Variants in GALNT13 observed in about 807,000 individuals in gnomAD.
GALNT13 encodes the protein UDP-GalNAc:polypeptide N-acetylgalactosaminyltransferase 13.
Under a neutral mutation model 64.2 loss-of-function variants are expected in GALNT13, and 28 were observed. The ratio of observed to expected loss-of-function variants is 0.44; its 90% CI spans 0.32 to 0.60. The LOEUF is 0.60. Among genes scored for constraint, GALNT13 ranks in the 20% least tolerant of loss-of-function variants. GALNT13 has a pLI of 0.05. For synonymous variants in GALNT13, 214 were observed against 224.6 expected (o/e 0.95, Z 0.42); for missense variants, 577 against 669.8 (o/e 0.86, Z 1.53).
intron 4 of GALNT13, among the ~76,000 whole-genome samples, chr2:154,162,391 A>G (rs1684783315): frequency 6.6e-6 from 1 of 152,210 alleles, no homozygotes; most frequent in African/African-American, 2.4e-5. Context: ...GATTTTAACC[A>G]AAGTAAATTG....
chr2:153,348,134 T>C, the GALNT13 span, among the ~76,000 whole-genome samples: 1 of 152,192 alleles, frequency 6.6e-6, no homozygotes, highest in Non-Finnish European at 1.5e-5. Context: ...CTTACTTTGC[T>C]TTTATAATTT....
chr2:153,255,627 G>T, the GALNT13 span, among the ~76,000 whole-genome samples: 3 of 152,088 alleles, frequency 2.0e-5, no homozygotes, highest in African/African-American at 7.2e-5. Context: ...TCCATGTTTA[G>T]CACTTCCTTC....
chr2:153,553,676 T>A, the GALNT13 span, among the ~76,000 whole-genome samples: 1 of 151,850 alleles, frequency 6.6e-6, no homozygotes, highest in African/African-American at 2.4e-5. Context: ...GAGTAGAAAG[T>A]GAAAAGGTCT....
intron 8 of GALNT13, among the ~76,000 whole-genome samples, chr2:154,267,732 G>A (rs1691097310): frequency 1.3e-5 from 2 of 151,920 alleles, no homozygotes; most frequent in South Asian, 2.1e-4. Context: ...AAAGAAGTTA[G>A]CAAATTATAT....
At chr2:154,328,920 A>G (rs1235070233) in intron 9 of GALNT13, among the ~76,000 whole-genome samples, 3 of 152,162 alleles carry the variant, frequency 2.0e-5, no homozygotes, top group Admixed American at 6.6e-5. Context: ...GACATTAAGC[A>G]TCAATTATTT....
At chr2:153,732,946 T>C in the GALNT13 span, among the ~76,000 whole-genome samples, 1 of 152,238 alleles carries the variant, frequency 6.6e-6, no homozygotes, top group South Asian at 2.1e-4. Flanking sequence ...CTTACTCTCC[T>C]AGCTTTTCTT....
At chr2:153,957,583 AG>A (rs754937010) in intron 3 of GALNT13, among the ~76,000 whole-genome samples, 74 of 152,286 alleles carry the variant, frequency 4.9e-4, no homozygotes, top group Admixed American at 8.5e-4. Flanking sequence ...CTTATTGCCA[AG>A]GGCCCTCTTG....
At chr2:153,512,646 T>G in the GALNT13 span, among the ~76,000 whole-genome samples, 1 of 152,122 alleles carries the variant, frequency 6.6e-6, no homozygotes, top group South Asian at 2.1e-4. Context: ...AGTAAATGAG[T>G]TAATACGTGT....
chr2:153,383,821 C>T, the GALNT13 span, among the ~76,000 whole-genome samples: 266 of 152,042 alleles, frequency 1.7e-3, 1 homozygote, highest in African/African-American at 6.2e-3. Context: ...GGATGAGTGG[C>T]AGAAAAATCA....
chr2:153,680,689 T>C, the GALNT13 span, among the ~76,000 whole-genome samples: 1 of 151,888 alleles, frequency 6.6e-6, no homozygotes, highest in Admixed American at 6.6e-5. Context: ...AAATTCTCAA[T>C]TGACTGTGGG....
chr2:153,964,292 T>C (rs1693170311), intron 3 of GALNT13, among the ~76,000 whole-genome samples: 1 of 151,928 alleles, frequency 6.6e-6, no homozygotes, highest in Non-Finnish European at 1.5e-5. Context: ...CTACAAAAAA[T>C]ACAAAAATTA....
At chr2:153,683,885 C>T in the GALNT13 span, among the ~76,000 whole-genome samples, 1 of 151,540 alleles carries the variant, frequency 6.6e-6, no homozygotes, top group Non-Finnish European at 1.5e-5. Flanking sequence ...CATTTTAAAC[C>T]AGTGATGGCA....
chr2:153,558,969 G>A, the GALNT13 span, among the ~76,000 whole-genome samples: 2 of 152,044 alleles, frequency 1.3e-5, no homozygotes, highest in African/African-American at 4.8e-5. Flanking sequence ...TTGGATGCTT[G>A]GTGCATAGAA....
the GALNT13 span, among the ~76,000 whole-genome samples, chr2:153,422,938 C>A: frequency 6.6e-6 from 1 of 151,522 alleles, no homozygotes; most frequent in Non-Finnish European, 1.5e-5. Context: ...TTTCAATAAA[C>A]AAGGGTTTGA....
At chr2:153,354,557 TG>T in the GALNT13 span, among the ~76,000 whole-genome samples, 1 of 152,160 alleles carries the variant, frequency 6.6e-6, no homozygotes, top group Non-Finnish European at 1.5e-5. Context: ...GCCAAGTATG[TG>T]GGAAACTTTA....
At chr2:154,020,201 T>C (rs1316646682) in intron 3 of GALNT13, among the ~76,000 whole-genome samples, 1 of 152,198 alleles carries the variant, frequency 6.6e-6, no homozygotes, top group Non-Finnish European at 1.5e-5. Flanking sequence ...TTATAATCCT[T>C]TGGGTATATA....
upstream of GALNT13, chr2:153,871,872 C>A (rs901966882): frequency 1.9e-5 from 1 of 52,978 alleles, no homozygotes; most frequent in Admixed American, 2.4e-4. Context: ...GGAGGAGGGA[C>A]CGGGAGGCGG....
the GALNT13 span, among the ~76,000 whole-genome samples, chr2:153,678,912 A>G: frequency 2.6e-5 from 4 of 152,146 alleles, no homozygotes; most frequent in East Asian, 5.8e-4. Flanking sequence ...GTAGGCCACA[A>G]AAAACAATAA....
At chr2:153,248,512 T>TC in the GALNT13 span, among the ~76,000 whole-genome samples, 126,685 of 151,862 alleles carry the variant, frequency 0.83, 54,061 homozygotes, top group African/African-American at 0.93. Context: ...AAATTCAACA[T>TC]CCTTTATGTT....
Sources: gnomAD v4.1 joint callset for allele counts (sites outside exome capture counted in the v4.1 genomes callset) on GRCh38, gnomAD v4.1.1 for gene constraint, MANE v1.5 for transcripts, NCBI Gene and HGNC (gene_info 2026-07-23, HGNC 2026-07-21) for gene names.